The following STK40 variants were observed in gnomAD, a reference collection of about 807,000 sequenced individuals.
STK40 encodes serine/threonine-protein kinase 40.
A neutral mutation model predicts 47.9 loss-of-function variants in STK40; 13 were observed. The observed-to-expected ratio is 0.27, with a 90% confidence interval of 0.18 to 0.43. The LOEUF (loss-of-function observed/expected upper bound fraction) is 0.43. Ranked by LOEUF, STK40 falls within the 20% of genes least tolerant of loss-of-function variation. The probability of loss-of-function intolerance (pLI) is 1.00; values close to 1 mark genes in which losing one functional copy is unlikely to be tolerated. For synonymous variants in STK40, 225 were observed against 243.2 expected, an observed-to-expected ratio of 0.93 and a Z score of 0.69; for missense variants, 460 against 595.1, an observed-to-expected ratio of 0.77 and a Z score of 2.36.
intron 2 of STK40, among the ~76,000 whole-genome samples, chr1:36,359,256 A>G (rs1159190960): frequency 6.6e-6 from 1 of 151,910 alleles, no homozygotes; most frequent in East Asian, 1.9e-4. Flanking sequence ...AAAATAAAAT[A>G]TTGGCTGAGC....
At chr1:36,362,986 T>C (rs1646866718) in intron 1 of STK40, among the ~76,000 whole-genome samples, 1 of 152,104 alleles carries the variant, frequency 6.6e-6, no homozygotes, top group Admixed American at 6.6e-5. Flanking sequence ...TGAAACCCCG[T>C]CTCTACTAAA....
At chr1:36,355,112 C>A in intron 5 of STK40, 94 bp downstream of exon 5, 1 of 1,313,086 alleles carries the variant, frequency 7.6e-7, no homozygotes, top group South Asian at 1.2e-5. Flanking sequence ...CAAAGCACAC[C>A]TGGGTGCACA....
intron 5 of STK40, 47 bp downstream of exon 5, chr1:36,355,159 G>C (rs1646791256): frequency 6.3e-7 from 1 of 1,586,124 alleles, no homozygotes; most frequent in African/African-American, 1.3e-5. Context: ...CAGCAAGAAA[G>C]GTGGCTTTCT....
intron 1 of STK40, among the ~76,000 whole-genome samples, chr1:36,371,643 C>T (rs1646948020): frequency 6.8e-6 from 1 of 147,382 alleles, no homozygotes; most frequent in Admixed American, 6.8e-5. Flanking sequence ...TGTGATCCTG[C>T]CACTGTACTC....
chr1:36,361,122 G>T, intron 2 of STK40, 99 bp downstream of exon 2: 1 of 1,417,806 alleles, frequency 7.1e-7, no homozygotes, highest in Non-Finnish European at 9.7e-7. Flanking sequence ...CTGTGGGTGG[G>T]CCACCTCACT....
rs115491368 is a variant in STK40 at position 36,349,715 on chromosome 1, G to A, written c.624-900C>T. 9.1e-3 allele frequency among the ~76,000 whole-genome samples: 1,333 copies of A among 145,716 alleles called. 20 individuals are homozygous for A. Among genetic ancestry groups the A allele is most frequent in the African/African-American group, 0.031 (1,261 of 40,478 alleles). ...GATCCTTTGGAGAAAACTCACATGT[G>A]GACAAAAGGAAGTGCCCCGAGAGGA... On this transcript the variant is annotated intron_variant, in intron 6 of 10. Coordinates refer to ENST00000373132, the MANE Select transcript of STK40 (RefSeq NM_001282547.2).
intron 7 of STK40, among the ~76,000 whole-genome samples, chr1:36,347,506 T>A (rs1646714191): frequency 6.6e-6 from 1 of 152,218 alleles, no homozygotes; most frequent in Non-Finnish European, 1.5e-5. Context: ...TGAGCCTCAA[T>A]TTCCTCATCT....
chr1:36,384,112 C>T (rs1199895931), intron 1 of STK40, among the ~76,000 whole-genome samples: 1 of 151,674 alleles, frequency 6.6e-6, no homozygotes, highest in Non-Finnish European at 1.5e-5. Flanking sequence ...TCACTGCAAC[C>T]TCTGCCTCAT....
chr1:36,345,991 A>ATATATATTTTTTTTTTTTTTT, intron 7 of STK40, among the ~76,000 whole-genome samples: 3 of 26,464 alleles, frequency 1.1e-4, no homozygotes, highest in African/African-American at 1.4e-4. Context: ...ATATATATAT[A>ATATATATTTTTTTTTTTTTTT]TTTTTTTTTT....
intron 10 of STK40, 44 bp from the exon 11 acceptor site, chr1:36,342,017 A>G: frequency 2.6e-6 from 4 of 1,554,672 alleles, no homozygotes; most frequent in Non-Finnish European, 1.8e-6. Context: ...ATAAACCCAG[A>G]TGAAGGCAGC....
chr1:36,384,436 C>A (rs1378648059), intron 1 of STK40, among the ~76,000 whole-genome samples: 1 of 152,204 alleles, frequency 6.6e-6, no homozygotes, highest in Non-Finnish European at 1.5e-5. Flanking sequence ...TTATTGAATT[C>A]TTATTACGTG....
At chr1:36,384,135 T>G (rs1647065139) in intron 1 of STK40, among the ~76,000 whole-genome samples, 1 of 151,900 alleles carries the variant, frequency 6.6e-6, no homozygotes. Context: ...GTTCAAGCAA[T>G]TCTCCTGCCT....
At chr1:36,384,577 G>C (rs1459335179) in intron 1 of STK40, among the ~76,000 whole-genome samples, 2 of 152,226 alleles carry the variant, frequency 1.3e-5, no homozygotes, top group Non-Finnish European at 2.9e-5. Context: ...GGTACACACA[G>C]CTGGAAAGTT....
rs187888805 is a variant in STK40 at position 36,356,540 on chromosome 1, C to A, written c.343-1107G>T. Among the ~76,000 whole-genome samples, 503 of 151,008 alleles carry A rather than the reference C, an allele frequency of 3.3e-3. 2 individuals are homozygous for A. The highest frequency in any genetic ancestry group is 0.012 in the African/African-American group (477 of 41,146). ...TCCCAGGTTCATGCCATTCTCCTGC[C>A]TCAGCCTCCCGAGTAGCTGGGAATA... On this transcript the variant is annotated intron_variant, in intron 4 of 10. Transcript: ENST00000373132.
intron 1 of STK40, chr1:36,367,826 G>A: frequency 1.0e-6 from 1 of 985,738 alleles, no homozygotes; most frequent in Non-Finnish European, 1.2e-6. Context: ...CCACATAGGA[G>A]CGCACACATG....
chr1:36,379,928 T>C (rs1306394345), intron 1 of STK40, among the ~76,000 whole-genome samples: 1 of 152,242 alleles, frequency 6.6e-6, no homozygotes, highest in Non-Finnish European at 1.5e-5. Context: ...AGAAAGTCAC[T>C]TCAGCAGAAG....
intron 5 of STK40, 137 bp from the exon 6 acceptor site, chr1:36,354,553 C>T: frequency 1.2e-6 from 1 of 839,586 alleles, no homozygotes. Context: ...GCTCCAAGCA[C>T]AGGCAGATCA....
chr1:36,361,346 C>A lies in STK40; in HGVS notation c.-8-6G>T. On this transcript the variant is annotated splice_region_variant and splice_polypyrimidine_tract_variant and intron_variant, in intron 1 of 10. Transcript: ENST00000373132. ...TCTCCGCTTCATTCTCAGCTCTAGA[C>A]AAGACAGAAAGACCCCTTCTCACTG... 6.2e-7 allele frequency: 1 copy of A among 1,614,092 alleles called. No individual in the cohort carries two copies. The highest frequency in any genetic ancestry group is 8.5e-7 in the Non-Finnish European group (1 of 1,180,036).
intron 10 of STK40, chr1:36,342,993 A>T: frequency 3.4e-6 from 2 of 593,544 alleles, no homozygotes; most frequent in Non-Finnish European, 3.0e-6. Flanking sequence ...AGAAATAGGG[A>T]GAAATGAATC....
Sources: allele counts gnomAD v4.1 joint callset (sites outside exome capture counted in the v4.1 genomes callset), GRCh38; gene constraint gnomAD v4.1.1; transcripts MANE v1.5; gene names NCBI Gene and HGNC (gene_info 2026-07-23, HGNC 2026-07-21).